The following FCER2 variants were observed in gnomAD, a reference collection of about 807,000 sequenced individuals.
FCER2 encodes low affinity immunoglobulin epsilon Fc receptor.
In FCER2, 38 loss-of-function variants were observed where a neutral mutation model predicts 49.7. The observed-to-expected ratio is 0.76, with a 90% CI of 0.59 to 1.00. FCER2 has a LOEUF of 1.00. Among genes scored for constraint, FCER2 ranks in the 50% least tolerant of loss-of-function variants. The probability of loss-of-function intolerance (pLI) is 0.00; values close to 1 mark genes in which losing one functional copy is unlikely to be tolerated. For missense variants in FCER2, 425 were observed against 419.5 expected, an observed-to-expected ratio of 1.01 and a Z score of -0.11; for synonymous variants, 163 against 164.6, an observed-to-expected ratio of 0.99 and a Z score of 0.07.
At position 7,690,242 on chromosome 19, in the gene FCER2, G is replaced by T. The variant is rs1236873899; in HGVS notation, c.645C>A (p.Ser215Arg). 1.9e-6 allele frequency: 3 copies of T among 1,613,858 alleles called. No individual in the cohort carries two copies. The highest frequency in any genetic ancestry group is 1.7e-6 in the Non-Finnish European group (2 of 1,179,866). ...EEQDFLTKHA[S>R]HTGSWIGLRN... Reference sequence around the variant, plus strand: ...GAAGGCCAATCCAGGAGCCGGTGTGGCTGGCATGCTTGGTCAGGAAGTCCT... The same window carrying T: ...GAAGGCCAATCCAGGAGCCGGTGTGTCTGGCATGCTTGGTCAGGAAGTCCT... Residue 215 changes from serine to arginine, a missense_variant, in exon 10 of 11, where the codon AGC becomes AGA. Coordinates refer to ENST00000597921, the MANE Select transcript of FCER2 (RefSeq NM_001220500.2).
chr19:7,692,836 C>T (rs1217207153), intron 8 of FCER2, among the ~76,000 whole-genome samples: 13 of 152,116 alleles, frequency 8.5e-5, no homozygotes, highest in Non-Finnish European at 1.5e-4. Flanking sequence ...ACCAGCAGCA[C>T]GTCAGCGGCC....
intron 2 of FCER2, 132 bp from the exon 3 acceptor site, chr19:7,698,986 A>T (rs748353352): frequency 2.0e-5 from 18 of 898,430 alleles, no homozygotes; most frequent in Non-Finnish European, 2.7e-5. Context: ...AAAGGGTCTC[A>T]GTGGACCCCC....
At chr19:7,689,569 T>C (rs1292189790) in intron 10 of FCER2, 139 bp from the exon 11 acceptor site, 1 of 601,284 alleles carries the variant, frequency 1.7e-6, no homozygotes, top group African/African-American at 1.9e-5. Context: ...TACCTCATTT[T>C]GGTGCCCCAT....
At chr19:7,690,593 G>A (rs78283814) in intron 8 of FCER2, 36 bp from the exon 9 acceptor site, 468,282 of 1,597,984 alleles carry the variant, frequency 0.29, 72,590 homozygotes, top group African/African-American at 0.54. Context: ...TGGGGCCAAT[G>A]GAAGTGCCTT....
rs368137472 is a variant in FCER2 at position 7,689,268 on chromosome 19, C to T, written c.891G>A (p.Ala297=). The change falls in exon 11 of 11, where the codon GCG becomes GCA. Residue 297 remains alanine, a synonymous_variant. Transcript: ENST00000597921. Reference sequence around the variant, plus strand: ...GTCTTGAATCAGGTCCCATGGACTCCGCGGAACCTTCGCTGGCTGGCGGCG... The same window carrying T: ...GTCTTGAATCAGGTCCCATGGACTCTGCGGAACCTTCGCTGGCTGGCGGCG... ...TCTPPASEGS[A]ESMGPDSRPD... is the part of the protein sequence containing the mutation. 1.1e-5 allele frequency: 18 copies of T among 1,613,672 alleles called. No individual in the cohort carries two copies. The highest frequency in any genetic ancestry group is 1.4e-5 in the Non-Finnish European group (16 of 1,179,916).
chr19:7,697,995 C>T (rs922214444), intron 4 of FCER2, among the ~76,000 whole-genome samples: 5 of 152,148 alleles, frequency 3.3e-5, no homozygotes, highest in Non-Finnish European at 5.9e-5. Context: ...TACAATGGCT[C>T]GACTTTACAA....
In FCER2 at chr19:7,689,184, T is replaced by C. The variant is rs201815834; in HGVS notation, c.*9A>G. ...CAGGGTCTTGCTCTGGGCCTGGCTG[T>C]ATCCATGCTCAAGAGTGGAGAGGGG... On this transcript the variant is annotated 3_prime_UTR_variant, in exon 11 of 11. Transcript: ENST00000597921. 443 of 1,581,400 alleles carry C rather than the reference T, an allele frequency of 2.8e-4. No individual in the cohort carries two copies. The African/African-American group carries it at 4.3e-3, about 15-fold the overall frequency.
intron 8 of FCER2, among the ~76,000 whole-genome samples, chr19:7,696,348 G>A (rs1438699443): frequency 2.6e-5 from 4 of 151,918 alleles, no homozygotes; most frequent in Admixed American, 1.3e-4. Flanking sequence ...TAATCTATCC[G>A]CCTCGACCTC....
chr19:7,698,631 G>C, intron 3 of FCER2, 110 bp downstream of exon 3: 1 of 1,470,302 alleles, frequency 6.8e-7, no homozygotes, highest in South Asian at 1.2e-5. Flanking sequence ...GGAAAATTGG[G>C]TTTTGAGAGG....
Position 7,690,215 on chromosome 19 carries a change from C to T in FCER2, c.672G>A (p.Arg224=). 1 of 1,614,128 alleles carries T rather than the reference C, an allele frequency of 6.2e-7. No individual in the cohort carries two copies. The highest frequency in any genetic ancestry group is 1.3e-5 in the African/African-American group (1 of 75,062). ...TAAACTCCCCCTTCAGGTCCAAGTT[C>T]CGAAGGCCAATCCAGGAGCCGGTGT... The part of the protein sequence containing the change: ...ASHTGSWIGL[R]NLDLKGEFIW... The change falls in exon 10 of 11, where the codon CGG becomes CGA. Residue 224 remains arginine (R), a synonymous_variant. Coordinates refer to ENST00000597921, the MANE Select transcript of FCER2 (RefSeq NM_001220500.2).
At chr19:7,697,853 C>T (rs1327116992) in intron 4 of FCER2, among the ~76,000 whole-genome samples, 3 of 152,178 alleles carry the variant, frequency 2.0e-5, no homozygotes, top group Non-Finnish European at 4.4e-5. Flanking sequence ...GAGCTTGTTT[C>T]TGTCTCACGG....
chr19:7,696,693 C>T (rs1446749544), intron 8 of FCER2, 132 bp downstream of exon 8: 6 of 674,964 alleles, frequency 8.9e-6, no homozygotes, highest in Admixed American at 5.3e-5. Context: ...TGTGTCCTCC[C>T]GATGACACTC....
chr19:7,695,269 A>G (rs1484695759), intron 8 of FCER2, among the ~76,000 whole-genome samples: 1 of 152,132 alleles, frequency 6.6e-6, no homozygotes, highest in East Asian at 1.9e-4. Flanking sequence ...CCATCACTGC[A>G]GACATTACCC....
Position 7,697,311 on chromosome 19 carries a change from G to C in FCER2, c.254-13C>G. The C allele has an allele frequency of 6.2e-7, 1 of 1,613,944 alleles. No homozygotes were observed. The stretch of plus-strand genomic sequence containing the variant: ...GAAATCTGCGTGGCTGTTTGCAGGG[G>C]AGGGGGCTTCATGGTAAGCAGGTCC... On this transcript the variant is annotated splice_polypyrimidine_tract_variant and intron_variant, in intron 5 of 10. Coordinates refer to ENST00000597921, the MANE Select transcript of FCER2 (RefSeq NM_001220500.2).
chr19:7,698,938 C>T (rs1319411374), intron 2 of FCER2, 84 bp from the exon 3 acceptor site: 9 of 1,438,226 alleles, frequency 6.3e-6, no homozygotes, highest in East Asian at 2.5e-5. Context: ...CCAGAGCCCC[C>T]GACAGCCTGG....
In FCER2 at chr19:7,696,806, C is replaced by A. The variant is rs1419213773; in HGVS notation, c.469+19G>T. On this transcript the variant is annotated intron_variant, in intron 8 of 10. Transcript: ENST00000597921. ...AGGTGAGGTCACGCGTCGTCCTGAG[C>A]AGAGACTCACACACTCACCGCTGGA... is the stretch of plus-strand genomic sequence containing the variant. 2 of 1,554,486 alleles carry A rather than the reference C, an allele frequency of 1.3e-6. No individual in the cohort carries two copies. Among genetic ancestry groups the A allele is most frequent in the Non-Finnish European group, 1.7e-6 (2 of 1,145,448 alleles).
chr19:7,696,354 A>T (rs1292868397), intron 8 of FCER2, among the ~76,000 whole-genome samples: 1 of 150,728 alleles, frequency 6.6e-6, no homozygotes, highest in Non-Finnish European at 1.5e-5. Flanking sequence ...ATCCGCCTCG[A>T]CCTCCCTAAG....
At chr19:7,696,935 C>G in intron 7 of FCER2, 21 bp from the exon 8 acceptor site, 1 of 1,566,946 alleles carries the variant, frequency 6.4e-7, no homozygotes. Flanking sequence ...CAACAAGGGG[C>G]GGTGCTCAGA....
intron 8 of FCER2, among the ~76,000 whole-genome samples, chr19:7,692,011 T>TTG (rs2032886099): frequency 7.3e-6 from 1 of 137,340 alleles, no homozygotes; most frequent in African/African-American, 2.9e-5. Context: ...ACCAACACCA[T>TTG]CAGCACGAAT....
Sources: allele counts gnomAD v4.1 joint callset (sites outside exome capture counted in the v4.1 genomes callset), GRCh38; gene constraint gnomAD v4.1.1; transcripts MANE v1.5; gene names NCBI Gene and HGNC (gene_info 2026-07-23, HGNC 2026-07-21).